LRFN5: variants seen among roughly 807,000 people sequenced by gnomAD.
LRFN5 encodes the protein leucine-rich repeat and fibronectin type-III domain-containing protein 5.
In LRFN5, 24 loss-of-function variants were observed where a neutral mutation model predicts 45.6. The observed-to-expected ratio is 0.53, with a 90% confidence interval of 0.38 to 0.74. The LOEUF (loss-of-function observed/expected upper bound fraction) is 0.74, where lower values mean the gene tolerates loss of function less well. Among genes scored for constraint, LRFN5 ranks in the 30% least tolerant of loss-of-function variants. The pLI is 0.00. For missense variants in LRFN5, 776 were observed against 861.5 expected, an observed-to-expected ratio of 0.90 and a Z score of 1.24; for synonymous variants, 340 against 313.8, an observed-to-expected ratio of 1.08 and a Z score of -0.88.
chr14:41,829,876 TG>T (rs1188406280), intron 2 of LRFN5, among the ~76,000 whole-genome samples: 1 of 151,480 alleles, frequency 6.6e-6, no homozygotes. Context: ...CTTTTTAAAA[TG>T]TATTTACTTG....
At chr14:41,832,568 G>T (rs1888522691) in intron 2 of LRFN5, among the ~76,000 whole-genome samples, 1 of 152,050 alleles carries the variant, frequency 6.6e-6, no homozygotes, top group African/African-American at 2.4e-5. Flanking sequence ...GGTCATTAGG[G>T]GTAATCATGA....
chr14:41,808,593 GGA>G (rs1566456781), intron 2 of LRFN5, among the ~76,000 whole-genome samples: 32 of 139,254 alleles, frequency 2.3e-4, no homozygotes, highest in African/African-American at 8.4e-4. Context: ...AAGGAAGGAA[GGA>G]ACGAAGGAAG....
Position 41,795,382 on chromosome 14 carries a change from A to C in LRFN5, c.-21+28353A>C, listed in dbSNP as rs150059082. Among the ~76,000 whole-genome samples the C allele has an allele frequency of 5.0e-3, 759 of 152,234 alleles. 5 individuals are homozygous for C. Among genetic ancestry groups the C allele is most frequent in the Non-Finnish European group, 6.5e-3 (440 of 68,000 alleles). ...AAGTCAGTGTGGAGATTCCTCAGGG[A>C]TCTAGAACTAGAAATACCATTTGAC... On this transcript the variant is annotated intron_variant, in intron 2 of 5. Coordinates refer to ENST00000298119, the MANE Select transcript of LRFN5 (RefSeq NM_152447.5).
chr14:41,775,961 G>A (rs1886278600), intron 2 of LRFN5, among the ~76,000 whole-genome samples: 1 of 152,114 alleles, frequency 6.6e-6, no homozygotes, highest in Non-Finnish European at 1.5e-5. Flanking sequence ...GATGAGAGTG[G>A]GCTTATGGCC....
chr14:41,809,393 T>A (rs1360387426), intron 2 of LRFN5, among the ~76,000 whole-genome samples: 2 of 152,138 alleles, frequency 1.3e-5, no homozygotes, highest in African/African-American at 4.8e-5. Context: ...TTATTTTTTT[T>A]AATTCTTAAT....
At chr14:41,670,301 A>G (rs1291879043) in intron 1 of LRFN5, among the ~76,000 whole-genome samples, 2 of 32,070 alleles carry the variant, frequency 6.2e-5, no homozygotes, top group African/African-American at 3.4e-4. Context: ...ATATATATAT[A>G]TATACACACA....
At chr14:41,650,736 TAAGTTA>T (rs1328104966) in intron 1 of LRFN5, among the ~76,000 whole-genome samples, 2 of 152,172 alleles carry the variant, frequency 1.3e-5, no homozygotes, top group Non-Finnish European at 2.9e-5. Context: ...TGTTCCTGGT[TAAGTTA>T]AAGTACATTG....
At chr14:41,758,191 A>G (rs1460055044) in intron 1 of LRFN5, among the ~76,000 whole-genome samples, 1 of 152,026 alleles carries the variant, frequency 6.6e-6, no homozygotes, top group Non-Finnish European at 1.5e-5. Context: ...GTCTCTTGGC[A>G]TGTTTCACCA....
intron 2 of LRFN5, among the ~76,000 whole-genome samples, chr14:41,872,393 A>G (rs1365431146): frequency 6.6e-6 from 1 of 152,216 alleles, no homozygotes; most frequent in African/African-American, 2.4e-5. Context: ...ATTTTAGCAT[A>G]TTCATATTTG....
At chr14:41,800,727 A>G (rs1020796697) in intron 2 of LRFN5, among the ~76,000 whole-genome samples, 1 of 151,884 alleles carries the variant, frequency 6.6e-6, no homozygotes, top group African/African-American at 2.4e-5. Flanking sequence ...ATACAATAAA[A>G]AAGTAAGTCT....
intron 1 of LRFN5, among the ~76,000 whole-genome samples, chr14:41,630,123 C>CA (rs1779096200): frequency 6.6e-6 from 1 of 152,086 alleles, no homozygotes; most frequent in African/African-American, 2.4e-5. Context: ...ACACAGGTGA[C>CA]AGTTTTCTCA....
At chr14:41,714,489 C>T (rs1767239467) in intron 1 of LRFN5, among the ~76,000 whole-genome samples, 1 of 152,112 alleles carries the variant, frequency 6.6e-6, no homozygotes, top group Admixed American at 6.5e-5. Flanking sequence ...TTAATTTTTT[C>T]CCTTTGCTGT....
intron 4 of LRFN5, among the ~76,000 whole-genome samples, chr14:41,898,135 A>G (rs570097539): frequency 6.6e-5 from 10 of 152,208 alleles, no homozygotes; most frequent in Non-Finnish European, 1.3e-4. Context: ...GTAAAAAACA[A>G]TTTGTCTCAA....
intron 2 of LRFN5, among the ~76,000 whole-genome samples, chr14:41,834,850 A>G (rs1888607120): frequency 6.6e-6 from 1 of 151,918 alleles, no homozygotes; most frequent in Non-Finnish European, 1.5e-5. Context: ...TTTTGTGGAG[A>G]TGAGGTTTCG....
chr14:41,643,932 A>G (rs1356938452), intron 1 of LRFN5, among the ~76,000 whole-genome samples: 1 of 152,210 alleles, frequency 6.6e-6, no homozygotes, highest in East Asian at 1.9e-4. Flanking sequence ...ATATGCCCAA[A>G]CTAATCTTTC....
chr14:41,685,002 T>C (rs1299004047), intron 1 of LRFN5, among the ~76,000 whole-genome samples: 1 of 152,150 alleles, frequency 6.6e-6, no homozygotes, highest in Non-Finnish European at 1.5e-5. Context: ...CCTGAATAAA[T>C]ATTTTTCAAA....
At chr14:41,705,216 A>G (rs529975662) in intron 1 of LRFN5, among the ~76,000 whole-genome samples, 1 of 152,284 alleles carries the variant, frequency 6.6e-6, no homozygotes, top group South Asian at 2.1e-4. Flanking sequence ...TAAACAATGT[A>G]ACACACTACT....
At chr14:41,798,013 C>T (rs1410051971) in intron 2 of LRFN5, among the ~76,000 whole-genome samples, 1 of 151,750 alleles carries the variant, frequency 6.6e-6, no homozygotes, top group African/African-American at 2.4e-5. Flanking sequence ...ACAAGTGCCC[C>T]ATTATTTGCA....
chr14:41,743,799 G>A (rs1279245236), intron 1 of LRFN5, among the ~76,000 whole-genome samples: 2 of 151,996 alleles, frequency 1.3e-5, no homozygotes, highest in Non-Finnish European at 2.9e-5. Context: ...TCATCAATAA[G>A]TACAATTATT....
Sources: allele counts gnomAD v4.1 joint callset (sites outside exome capture counted in the v4.1 genomes callset), GRCh38; gene constraint gnomAD v4.1.1; transcripts MANE v1.5; gene names NCBI Gene and HGNC (gene_info 2026-07-23, HGNC 2026-07-21).